Variants in RHOQ observed in about 807,000 individuals in gnomAD.
RHOQ encodes ras homolog family member Q.
A neutral mutation model predicts 25.8 loss-of-function variants in RHOQ; 7 were observed. The ratio of observed to expected loss-of-function variants is 0.27; its 90% CI spans 0.15 to 0.51. The LOEUF is 0.51. RHOQ is among the 20% of genes least tolerant of loss of function. The probability of loss-of-function intolerance (pLI) is 0.97; values close to 1 mark genes in which losing one functional copy is unlikely to be tolerated. For missense variants in RHOQ, 165 were observed against 260.6 expected (o/e 0.63, Z 2.53); for synonymous variants, 97 against 98.6 (o/e 0.98, Z 0.10).
chr2:46,543,672 A>T, intron 1 of RHOQ, 82 bp from the exon 2 acceptor site: 2 of 1,256,910 alleles, frequency 1.6e-6, no homozygotes, highest in South Asian at 1.3e-5. Context: ...TTGGGAGAGG[A>T]GGGTCCGGGT....
intron 4 of RHOQ, chr2:46,580,694 T>C (rs758056493): frequency 2.9e-6 from 1 of 350,770 alleles, no homozygotes; most frequent in Non-Finnish European, 5.2e-6. Context: ...AAACAGTGCT[T>C]GACATATAGT....
intron 2 of RHOQ, among the ~76,000 whole-genome samples, chr2:46,545,056 G>A (rs921952969): frequency 2.0e-5 from 3 of 152,204 alleles, no homozygotes; most frequent in African/African-American, 7.2e-5. Flanking sequence ...AACTGTTAGA[G>A]GAACGTCTGA....
At chr2:46,543,252 G>A (rs1558678147) in intron 1 of RHOQ, 64 bp downstream of exon 1, 1 of 1,592,598 alleles carries the variant, frequency 6.3e-7, no homozygotes, top group Admixed American at 1.7e-5. Flanking sequence ...AGCAACTTTG[G>A]CGGAGCCCCC....
intron 2 of RHOQ, among the ~76,000 whole-genome samples, chr2:46,563,266 G>A (rs1668626927): frequency 6.6e-6 from 1 of 152,158 alleles, no homozygotes; most frequent in South Asian, 2.1e-4. Context: ...ACCTCTCCGT[G>A]TGACTCTGGA....
intron 2 of RHOQ, among the ~76,000 whole-genome samples, chr2:46,550,479 G>C (rs1668206111): frequency 6.6e-6 from 1 of 152,180 alleles, no homozygotes; most frequent in Non-Finnish European, 1.5e-5. Flanking sequence ...TCACCAGTGG[G>C]TCTGTCTGTC....
At chr2:46,575,248 A>G (rs1434727006) in intron 2 of RHOQ, among the ~76,000 whole-genome samples, 42 of 152,212 alleles carry the variant, frequency 2.8e-4, no homozygotes, top group Admixed American at 2.7e-3. Context: ...CATTTTATGT[A>G]CAGATGTATG....
chr2:46,544,570 C>T (rs1667987037), intron 2 of RHOQ, among the ~76,000 whole-genome samples: 1 of 152,192 alleles, frequency 6.6e-6, no homozygotes, highest in Admixed American at 6.5e-5. Flanking sequence ...TCAGAGGTGG[C>T]CAGGCTGTGC....
In RHOQ at chr2:46,581,567, C is replaced by G; in HGVS notation, c.*484C>G. The G allele has an allele frequency of 6.2e-7, 1 of 1,611,394 alleles. No homozygotes were observed. Among genetic ancestry groups the G allele is most frequent in the Non-Finnish European group, 8.5e-7 (1 of 1,179,480 alleles). On this transcript the variant is annotated 3_prime_UTR_variant, in exon 5 of 5. Coordinates refer to ENST00000238738, the MANE Select transcript of RHOQ (RefSeq NM_012249.4). ...CCAGCCACGTAGCCAAAGGTCGCTC[C>G]AAGCGTACAGGAGATGGGCCATACC... is the stretch of plus-strand genomic sequence containing the variant.
chr2:46,570,215 C>T (rs778565400), intron 2 of RHOQ, among the ~76,000 whole-genome samples: 36 of 152,076 alleles, frequency 2.4e-4, no homozygotes, highest in Non-Finnish European at 4.1e-4. Flanking sequence ...CCAAGGGAGG[C>T]GGATCACAGG....
At position 46,578,895 on chromosome 2, in the gene RHOQ, CGTGT is replaced by C. The variant is rs4035765; in HGVS notation, c.463-2022_463-2019del. ...ATTATGTTGATTTAATCATTTCACT[CGTGT>C]GTGTGTGTGTATATGTATATATAGA... On this transcript the variant is annotated intron_variant, in intron 4 of 4. Transcript: ENST00000238738. Among the ~76,000 whole-genome samples, 372 of 151,500 alleles carry C rather than the reference CGTGT, an allele frequency of 2.5e-3. 8 individuals carry two copies. In the South Asian group the frequency reaches 0.041, roughly 17 times the overall value.
In RHOQ at chr2:46,569,610, A is replaced by C. The variant is rs1469692063; in HGVS notation, c.202-6477A>C. 3 of 152,246 alleles carry C rather than the reference A, an allele frequency of 2.0e-5. No homozygotes were observed. The highest frequency in any genetic ancestry group is 4.4e-5 in the Non-Finnish European group (3 of 68,038). The allele number at this position is 152,246 out of a possible 1,614,324, so 9.4% of individuals were successfully genotyped here. On this transcript the variant is annotated intron_variant, in intron 2 of 4. Coordinates refer to ENST00000238738, the MANE Select transcript of RHOQ (RefSeq NM_012249.4). This position sits in a 1 kb window ranked among gnomAD's most constrained non-coding sequence, Gnocchi z 4.1. ...CAATCAGTCAGGTGGCCAAAAGGAA[A>C]GCACAATGGAAAAGAAGCCCAAGAT...
At chr2:46,573,317 C>A (rs916083858) in intron 2 of RHOQ, among the ~76,000 whole-genome samples, 1 of 152,182 alleles carries the variant, frequency 6.6e-6, no homozygotes, top group Non-Finnish European at 1.5e-5. Context: ...ACCTCGGCCT[C>A]CCAAAGTGCT....
rs2103989710 is a variant in RHOQ, at chr2:46,552,264, A to G, written c.201+8452A>G. 6.6e-6 allele frequency among the ~76,000 whole-genome samples: 1 copy of G among 152,314 alleles called. No individual in the cohort carries two copies. The highest frequency in any genetic ancestry group is 1.5e-5 in the Non-Finnish European group (1 of 68,022). On this transcript the variant is annotated intron_variant, in intron 2 of 4. Transcript: ENST00000238738. This position sits in a 1 kb window ranked among gnomAD's most constrained non-coding sequence, Gnocchi z 5.0. Reference sequence around the variant, plus strand: ...TCCCTAAACCACCATGCTTCCTCAAAAAGGAGCAGGCCCGAGGTGGCGCTG... The same window carrying G: ...TCCCTAAACCACCATGCTTCCTCAAGAAGGAGCAGGCCCGAGGTGGCGCTG...
rs1362069002 is a variant in RHOQ, at chr2:46,583,797, A to C, written c.*2714A>C. 6.6e-6 allele frequency among the ~76,000 whole-genome samples: 1 copy of C among 152,184 alleles called. No individual in the cohort carries two copies. Among genetic ancestry groups the C allele is most frequent in the Non-Finnish European group, 1.5e-5 (1 of 68,002 alleles). ...AAACTGCTTCAAAAATATTTTACTG[A>C]CATGAATTTTGCTAGTGAATACAAA... On this transcript the variant is annotated 3_prime_UTR_variant, in exon 5 of 5. Coordinates refer to ENST00000238738, the MANE Select transcript of RHOQ (RefSeq NM_012249.4).
chr2:46,559,383 C>T (rs1480212603), intron 2 of RHOQ, among the ~76,000 whole-genome samples: 2 of 152,106 alleles, frequency 1.3e-5, no homozygotes, highest in African/African-American at 4.8e-5. Flanking sequence ...TGTGTAATCT[C>T]TAATTTTGAT....
At position 46,583,538 on chromosome 2, in the gene RHOQ, C is replaced by A. The variant is rs1288050388; in HGVS notation, c.*2455C>A. 6.6e-6 allele frequency among the ~76,000 whole-genome samples: 1 copy of A among 152,112 alleles called. No homozygotes were observed. The highest frequency in any genetic ancestry group is 1.5e-5 in the Non-Finnish European group (1 of 67,986). ...TACTGACCTTGATGGGTTTGGAGTTCCCCATTGCTTATCAAGAGCTTTTTA... is the reference window on the plus strand; with the variant it reads ...TACTGACCTTGATGGGTTTGGAGTTACCCATTGCTTATCAAGAGCTTTTTA... On this transcript the variant is annotated 3_prime_UTR_variant, in exon 5 of 5. Transcript: ENST00000238738.
intron 4 of RHOQ, chr2:46,580,640 G>A (rs1200747376): frequency 4.3e-6 from 1 of 234,830 alleles, no homozygotes; most frequent in African/African-American, 2.2e-5. Context: ...ACACAGCAGG[G>A]ACTCTGCTCT....
chr2:46,565,440 C>T (rs1164310657), intron 2 of RHOQ, among the ~76,000 whole-genome samples: 8 of 152,194 alleles, frequency 5.3e-5, no homozygotes, highest in African/African-American at 1.4e-4. Flanking sequence ...GCAGCAGGAA[C>T]TAAAATGCTT....
At chr2:46,543,622 G>T in intron 1 of RHOQ, 132 bp from the exon 2 acceptor site, 1 of 743,420 alleles carries the variant, frequency 1.3e-6, no homozygotes, top group East Asian at 2.7e-5. Context: ...GGAAAAGGGG[G>T]TGACATCTCG....
Sources: allele counts gnomAD v4.1 joint callset (sites outside exome capture counted in the v4.1 genomes callset), GRCh38; gene constraint gnomAD v4.1.1; non-coding constraint Gnocchi (gnomAD v3.1); transcripts MANE v1.5; gene names NCBI Gene and HGNC (gene_info 2026-07-23, HGNC 2026-07-21).